The following CSMD1 variants were observed in gnomAD, a reference collection of about 807,000 sequenced individuals.
CSMD1 encodes the protein CUB and Sushi multiple domains 1.
A neutral mutation model predicts 417.5 loss-of-function variants in CSMD1; 213 were observed. The ratio of observed to expected loss-of-function variants is 0.51; its 90% CI spans 0.46 to 0.57. The LOEUF (loss-of-function observed/expected upper bound fraction) is 0.57, where lower values mean the gene tolerates loss of function less well. CSMD1 is among the 20% of genes least tolerant of loss of function. CSMD1 has a pLI of 0.00. For synonymous variants in CSMD1, 2,862 were observed against 1,736.8 expected (o/e 1.65, Z -16.11); for missense variants, 6,923 against 4,529.7 (o/e 1.53, Z -15.17).
chr8:3,046,975 C>T (rs181600330), intron 50 of CSMD1, among the ~76,000 whole-genome samples: 113 of 152,178 alleles, frequency 7.4e-4, no homozygotes, highest in African/African-American at 2.5e-3. Context: ...TTTGGGAGGC[C>T]GAGGCGGGTG....
intron 1 of CSMD1, among the ~76,000 whole-genome samples, chr8:4,948,353 T>A (rs531289788): frequency 2.6e-5 from 4 of 152,136 alleles, no homozygotes; most frequent in Admixed American, 6.5e-5. Context: ...TATTTGCACA[T>A]TTTTTTCTTA....
chr8:4,241,510 C>G (rs946973634), intron 3 of CSMD1, among the ~76,000 whole-genome samples: 3 of 152,118 alleles, frequency 2.0e-5, no homozygotes, highest in African/African-American at 7.2e-5. Context: ...TGTCTGTGCC[C>G]CCAGGAGGGC....
chr8:3,949,815 T>G, intron 5 of CSMD1: 1 of 429,272 alleles, frequency 2.3e-6, no homozygotes, highest in South Asian at 1.7e-5. Context: ...GCTGGGGCAA[T>G]GACCTGCTTC....
chr8:3,547,831 A>T (rs1193062262), intron 10 of CSMD1, among the ~76,000 whole-genome samples: 1 of 152,206 alleles, frequency 6.6e-6, no homozygotes, highest in Non-Finnish European at 1.5e-5. Context: ...CATGCAAACA[A>T]AGTTTTTTAA....
At chr8:3,367,430 A>G (rs1020726063) in intron 19 of CSMD1, among the ~76,000 whole-genome samples, 183 bp from the exon 20 acceptor site, 2 of 151,918 alleles carry the variant, frequency 1.3e-5, no homozygotes, top group African/African-American at 4.8e-5. Flanking sequence ...AGAGATGATA[A>G]AGAGATGAGA....
chr8:4,518,197 C>T (rs1453482192), intron 2 of CSMD1, among the ~76,000 whole-genome samples: 1 of 152,074 alleles, frequency 6.6e-6, no homozygotes, highest in Non-Finnish European at 1.5e-5. Context: ...TTCATGTGGG[C>T]TGACTCAATG....
intron 2 of CSMD1, among the ~76,000 whole-genome samples, chr8:4,440,141 A>AT (rs1253378429): frequency 6.6e-6 from 1 of 152,156 alleles, no homozygotes; most frequent in Non-Finnish European, 1.5e-5. Context: ...TTTGGTGTAA[A>AT]TTTCTTGCTA....
At chr8:4,730,005 G>C (rs559150485) in intron 1 of CSMD1, among the ~76,000 whole-genome samples, 1 of 151,992 alleles carries the variant, frequency 6.6e-6, no homozygotes, top group African/African-American at 2.4e-5. Context: ...TCTGAAACTC[G>C]TGATTCAGAG....
In CSMD1 at chr8:4,282,321, A is replaced by G. The variant is rs112522316; in HGVS notation, c.415+137632T>C. The stretch of plus-strand genomic sequence containing the variant: ...GCTCAGGAACACTGGAGCACGCCCA[A>G]GGGTCAAGATCATAACACAGATCTT... On this transcript the variant is annotated intron_variant, in intron 3 of 69. Coordinates refer to ENST00000635120, the MANE Select transcript of CSMD1 (RefSeq NM_033225.6). Among the ~76,000 whole-genome samples the G allele has an allele frequency of 7.5e-3, 1,148 of 152,296 alleles. 7 individuals carry two copies. Among genetic ancestry groups the G allele is most frequent in the African/African-American group, 0.026 (1,067 of 41,550 alleles).
rs5889027 is a variant in CSMD1 at position 4,212,751 on chromosome 8, C to CTTTTTTTTTTTTTTTTTTTTTT, written c.416-180674_416-180653dup. On this transcript the variant is annotated intron_variant, in intron 3 of 69. Transcript: ENST00000635120. ...AAAAGTTTACAACAGCGGCCTTATT[C>CTTTTTTTTTTTTTTTTTTTTTT]TTTTTTTTTTTTTTTTTTTTTTTTT... 2.6e-4 allele frequency among the ~76,000 whole-genome samples: 26 copies of CTTTTTTTTTTTTTTTTTTTTTT among 99,228 alleles called. 2 individuals carry two copies. Among genetic ancestry groups the CTTTTTTTTTTTTTTTTTTTTTT allele is most frequent in the East Asian group, 1.1e-3 (3 of 2,778 alleles). The allele number at this position is 99,228 out of a possible 152,430, so 65.1% of individuals were successfully genotyped here. A position where few individuals can be genotyped will look rare whatever the true frequency, so the allele number is the denominator to read the frequency against.
chr8:4,685,072 G>C (rs11136761), intron 1 of CSMD1, among the ~76,000 whole-genome samples: 10 of 151,810 alleles, frequency 6.6e-5, no homozygotes, highest in African/African-American at 2.2e-4. Flanking sequence ...CCCAGTTATC[G>C]AGCAACTCCA....
intron 3 of CSMD1, among the ~76,000 whole-genome samples, chr8:4,187,302 A>C (rs1357216608): frequency 6.6e-6 from 1 of 152,198 alleles, no homozygotes; most frequent in Non-Finnish European, 1.5e-5. Context: ...CAGTCATAGG[A>C]AAGGACAACC....
At chr8:4,307,175 A>T (rs1458677773) in intron 3 of CSMD1, among the ~76,000 whole-genome samples, 2 of 152,136 alleles carry the variant, frequency 1.3e-5, no homozygotes, top group African/African-American at 4.8e-5. Context: ...CACAGGCTCC[A>T]TTTAATACTG....
At position 4,651,345 on chromosome 8, in the gene CSMD1, G is replaced by A. The variant is rs188981850; in HGVS notation, c.86-13787C>T. On this transcript the variant is annotated intron_variant, in intron 1 of 69. Coordinates refer to ENST00000635120, the MANE Select transcript of CSMD1 (RefSeq NM_033225.6). ...GTTGACAAAATCAACCTTTAATAGC[G>A]TTGAATATTCAAGCAGATCAGCTCA... 7.5e-4 allele frequency among the ~76,000 whole-genome samples: 114 copies of A among 152,114 alleles called. 1 individual carries two copies. The highest frequency in any genetic ancestry group is 2.2e-3 in the Admixed American group (33 of 15,286).
At chr8:3,280,100 C>T (rs143739274) in intron 26 of CSMD1, among the ~76,000 whole-genome samples, 4 of 152,124 alleles carry the variant, frequency 2.6e-5, no homozygotes, top group African/African-American at 7.2e-5. Flanking sequence ...GGTACTAGGC[C>T]TCTGTGCCCT....
intron 5 of CSMD1, among the ~76,000 whole-genome samples, chr8:3,927,480 C>A (rs1245201598): frequency 6.6e-6 from 1 of 151,850 alleles, no homozygotes; most frequent in Non-Finnish European, 1.5e-5. Context: ...CCCTGGCCAA[C>A]ATGGTGAGAC....
intron 3 of CSMD1, among the ~76,000 whole-genome samples, chr8:4,063,698 G>A (rs1161462131): frequency 6.6e-6 from 1 of 152,182 alleles, no homozygotes; most frequent in Non-Finnish European, 1.5e-5. Flanking sequence ...GACCAGGCAT[G>A]CTACCTAAGT....
At chr8:4,260,919 A>T (rs1199245166) in intron 3 of CSMD1, among the ~76,000 whole-genome samples, 7 of 152,158 alleles carry the variant, frequency 4.6e-5, no homozygotes, top group Admixed American at 3.9e-4. Context: ...CGGTTATTTT[A>T]GTTAGTATTT....
chr8:4,954,617 T>C lies in CSMD1; in HGVS notation c.85+39715A>G, dbSNP rs898455367. Among the ~76,000 whole-genome samples the C allele has an allele frequency of 3.9e-5, 6 of 152,326 alleles. No homozygotes were observed. In the East Asian group the frequency reaches 9.6e-4, roughly 24 times the overall value. On this transcript the variant is annotated intron_variant, in intron 1 of 69. Transcript: ENST00000635120. ...TACTTTCTAAAAGAAGGATATACTA[T>C]AAAATAAAATCCTACCAAAAGCAAA...
Sources: allele counts gnomAD v4.1 joint callset (sites outside exome capture counted in the v4.1 genomes callset), GRCh38; gene constraint gnomAD v4.1.1; transcripts MANE v1.5; gene names NCBI Gene and HGNC (gene_info 2026-07-23, HGNC 2026-07-21).